The following CCDC85A variants were observed in gnomAD, a reference collection of about 807,000 sequenced individuals.
CCDC85A encodes the protein coiled-coil domain containing 85A.
In CCDC85A, 38 loss-of-function variants were observed where a neutral mutation model predicts 50.2. That is an observed-to-expected ratio of 0.76 (90% CI 0.58 to 0.99). The LOEUF (loss-of-function observed/expected upper bound fraction) is 0.99. Ranked by LOEUF, CCDC85A falls within the 50% of genes least tolerant of loss-of-function variation. The pLI is 0.00. For synonymous variants in CCDC85A, 366 were observed against 301.4 expected, an observed-to-expected ratio of 1.21 and a Z score of -2.22; for missense variants, 820 against 742.0, an observed-to-expected ratio of 1.11 and a Z score of -1.22.
At chr2:56,353,859 T>C (rs1207762163) in intron 3 of CCDC85A, among the ~76,000 whole-genome samples, 1 of 152,210 alleles carries the variant, frequency 6.6e-6, no homozygotes, top group Non-Finnish European at 1.5e-5. Flanking sequence ...AGAAAATGCC[T>C]TGTGAAGGGT....
chr2:56,196,312 G>A (rs190386514), intron 2 of CCDC85A, among the ~76,000 whole-genome samples: 18 of 152,288 alleles, frequency 1.2e-4, no homozygotes, highest in African/African-American at 3.8e-4. Context: ...GTAGAGTTCC[G>A]TTTTCAAATA....
intron 2 of CCDC85A, among the ~76,000 whole-genome samples, chr2:56,229,647 A>AT (rs1259771906): frequency 2.0e-5 from 3 of 151,662 alleles, no homozygotes; most frequent in South Asian, 2.1e-4. Context: ...GGTGGCCATA[A>AT]TTTTTTTTTG....
rs570891307 is a variant in CCDC85A at position 56,338,519 on chromosome 2, A to T, written c.1241-4360A>T. Among the ~76,000 whole-genome samples the T allele has an allele frequency of 4.6e-5, 7 of 151,960 alleles. No homozygotes were observed. In the East Asian group the frequency reaches 1.4e-3, roughly 29 times the overall value. On this transcript the variant is annotated intron_variant, in intron 2 of 5. Coordinates refer to ENST00000407595, the MANE Select transcript of CCDC85A (RefSeq NM_001080433.2). Reference sequence around the variant, plus strand: ...CTCTCACCATGAGAAGTTTCTATCAATTTTTCCTAATGATTAGCTATGACT... The same window carrying T: ...CTCTCACCATGAGAAGTTTCTATCATTTTTTCCTAATGATTAGCTATGACT...
intron 2 of CCDC85A, among the ~76,000 whole-genome samples, chr2:56,255,004 G>A (rs1326947427): frequency 6.6e-6 from 1 of 152,160 alleles, no homozygotes. Flanking sequence ...AGGAGGTTCT[G>A]TTCTTTATAG....
chr2:56,257,509 G>A lies in CCDC85A; in HGVS notation c.1240+64069G>A, dbSNP rs376992984. On this transcript the variant is annotated intron_variant, in intron 2 of 5. Coordinates refer to ENST00000407595, the MANE Select transcript of CCDC85A (RefSeq NM_001080433.2). ...GAGGAAAACATGAGAGGTGGGAGAA[G>A]TTAGGGTTGTGGAGTCAAGCAGTCA... Among the ~76,000 whole-genome samples, 17 of 152,250 alleles carry A rather than the reference G, an allele frequency of 1.1e-4. No individual in the cohort carries two copies. The East Asian group carries it at 3.3e-3, about 29-fold the overall frequency.
chr2:56,272,868 T>G (rs779166410), intron 2 of CCDC85A, among the ~76,000 whole-genome samples: 1 of 152,044 alleles, frequency 6.6e-6, no homozygotes, highest in Non-Finnish European at 1.5e-5. Context: ...TAAATGTGAA[T>G]AGGCAGGCCA....
At chr2:56,360,482 T>G (rs1380742990) in intron 3 of CCDC85A, among the ~76,000 whole-genome samples, 2 of 152,250 alleles carry the variant, frequency 1.3e-5, no homozygotes, top group Non-Finnish European at 1.5e-5. Context: ...GGGAACTTAC[T>G]ACTGGTTAAC....
chr2:56,372,488 G>C lies in CCDC85A; in HGVS notation c.1452+10G>C. On this transcript the variant is annotated intron_variant, in intron 4 of 5. Coordinates refer to ENST00000407595, the MANE Select transcript of CCDC85A (RefSeq NM_001080433.2). ...CCTGCCTACTCTCCCGGTGAGTGAA[G>C]ATGAGTCAGCTGGATGCATTTGCTT... 2 of 1,583,388 alleles carry C rather than the reference G, an allele frequency of 1.3e-6. No homozygotes were observed. Among genetic ancestry groups the C allele is most frequent in the Non-Finnish European group, 1.7e-6 (2 of 1,162,706 alleles).
At chr2:56,352,489 G>A (rs1276223604) in intron 3 of CCDC85A, among the ~76,000 whole-genome samples, 1 of 152,068 alleles carries the variant, frequency 6.6e-6, no homozygotes, top group African/African-American at 2.4e-5. Context: ...GGGATTACAG[G>A]CACGCGCCAC....
intron 2 of CCDC85A, among the ~76,000 whole-genome samples, chr2:56,342,471 T>C (rs1674421387): frequency 6.6e-6 from 1 of 152,218 alleles, no homozygotes; most frequent in African/African-American, 2.4e-5. Flanking sequence ...TAAGTGTGCG[T>C]GATTTTACTA....
At chr2:56,222,320 A>G (rs1269015600) in intron 2 of CCDC85A, among the ~76,000 whole-genome samples, 1 of 152,144 alleles carries the variant, frequency 6.6e-6, no homozygotes, top group East Asian at 1.9e-4. Flanking sequence ...TTGACATTGT[A>G]CATATTTAAG....
intron 2 of CCDC85A, among the ~76,000 whole-genome samples, chr2:56,301,077 C>T (rs769463333): frequency 8.5e-5 from 13 of 152,226 alleles, no homozygotes; most frequent in South Asian, 4.1e-4. Flanking sequence ...AATAAATTTG[C>T]ACCTGAAATA....
chr2:56,318,942 G>A (rs1434805018), intron 2 of CCDC85A, among the ~76,000 whole-genome samples: 1 of 152,094 alleles, frequency 6.6e-6, no homozygotes, highest in African/African-American at 2.4e-5. Flanking sequence ...CTAGTCTGAA[G>A]ACTCTGTGGG....
intron 3 of CCDC85A, among the ~76,000 whole-genome samples, chr2:56,363,034 T>A (rs560748771): frequency 6.6e-6 from 1 of 152,324 alleles, no homozygotes; most frequent in South Asian, 2.1e-4. Flanking sequence ...TGCCCTAGAC[T>A]TATCCTTTTG....
At chr2:56,250,690 G>T (rs182273054) in intron 2 of CCDC85A, among the ~76,000 whole-genome samples, 1 of 152,130 alleles carries the variant, frequency 6.6e-6, no homozygotes, top group South Asian at 2.1e-4. Flanking sequence ...AATTGCTAAT[G>T]TGTGCTTCTT....
chr2:56,184,911 G>C lies in CCDC85A; in HGVS notation c.276+11G>C. On this transcript the variant is annotated intron_variant, in intron 1 of 5. Transcript: ENST00000407595. ...ATCCGCGGCCTCAAGGTGAGCGCGG[G>C]CCAGGTGGGGAGGCGCGGCGCGGCT... The C allele has an allele frequency of 2.0e-6, 3 of 1,482,642 alleles. No individual in the cohort carries two copies. Among genetic ancestry groups the C allele is most frequent in the Non-Finnish European group, 1.8e-6 (2 of 1,120,876 alleles). 91.8% of individuals were successfully genotyped at this position (1,482,642 alleles called of 1,614,324 possible).
chr2:56,329,943 C>CTTTTTTTTTT lies in CCDC85A; in HGVS notation c.1241-12935_1241-12934insTTTTTTTTTT, dbSNP rs1336192523. Among the ~76,000 whole-genome samples the CTTTTTTTTTT allele has an allele frequency of 3.4e-3, 77 of 22,868 alleles. 4 individuals are homozygous for CTTTTTTTTTT. The highest frequency in any genetic ancestry group is 4.8e-3 in the Non-Finnish European group (51 of 10,690). 15.0% of individuals were successfully genotyped at this position (22,868 alleles called of 152,430 possible). On this transcript the variant is annotated intron_variant, in intron 2 of 5. Coordinates refer to ENST00000407595, the MANE Select transcript of CCDC85A (RefSeq NM_001080433.2). ...TGAAAATTTGTTTTTTACAGATTTC[C>CTTTTTTTTTT]TGTTTTTTTTTTTTTTTTTTTTTTT...
chr2:56,367,610 A>G (rs557216963), intron 3 of CCDC85A, among the ~76,000 whole-genome samples: 3 of 152,250 alleles, frequency 2.0e-5, no homozygotes, highest in Admixed American at 2.0e-4. Flanking sequence ...CTTGGCCTCT[A>G]CCCACTAAAT....
intron 2 of CCDC85A, among the ~76,000 whole-genome samples, chr2:56,223,780 A>G (rs920736677): frequency 1.3e-5 from 2 of 152,144 alleles, no homozygotes; most frequent in African/African-American, 4.8e-5. Flanking sequence ...GCCTGGCCAT[A>G]CAAATACCTG....
Sources: allele counts gnomAD v4.1 joint callset (sites outside exome capture counted in the v4.1 genomes callset), GRCh38; gene constraint gnomAD v4.1.1; transcripts MANE v1.5; gene names NCBI Gene and HGNC (gene_info 2026-07-23, HGNC 2026-07-21).